Variants in FAXDC2 observed in about 807,000 individuals in gnomAD.
The protein encoded by FAXDC2 is fatty acid hydroxylase domain-containing protein 2.
Under a neutral mutation model 40.9 loss-of-function variants are expected in FAXDC2, and 41 were observed. The ratio of observed to expected loss-of-function variants is 1.00; its 90% CI spans 0.78 to 1.30. The LOEUF (loss-of-function observed/expected upper bound fraction) is 1.30. Among genes scored for constraint, FAXDC2 ranks in the 50% most tolerant of loss-of-function variants. The pLI, the probability that FAXDC2 is intolerant of heterozygous loss-of-function variation, is 0.00. For synonymous variants in FAXDC2, 157 were observed against 149.3 expected, an observed-to-expected ratio of 1.05 and a Z score of -0.38; for missense variants, 390 against 408.8, an observed-to-expected ratio of 0.95 and a Z score of 0.40.
intron 4 of FAXDC2, among the ~76,000 whole-genome samples, chr5:154,832,930 AAAC>A (rs1760229132): frequency 6.6e-6 from 1 of 152,212 alleles, no homozygotes. Context: ...TTCTAGTTGA[AAAC>A]AATCCTCAGG....
intron 4 of FAXDC2, 176 bp from the exon 5 acceptor site, chr5:154,831,098 G>C: frequency 1.7e-6 from 1 of 572,310 alleles, no homozygotes; most frequent in African/African-American, 1.9e-5. Flanking sequence ...ACTTGGACAG[G>C]CCATTTAAGG....
intron 5 of FAXDC2, chr5:154,824,569 G>A (rs1446897939): frequency 2.8e-6 from 2 of 702,584 alleles, no homozygotes; most frequent in Admixed American, 4.0e-5. Flanking sequence ...TGTTGTGAGA[G>A]GACATGTTAG....
At chr5:154,842,874 G>T (rs1415500023) in intron 1 of FAXDC2, among the ~76,000 whole-genome samples, 1 of 149,684 alleles carries the variant, frequency 6.7e-6, no homozygotes, top group African/African-American at 2.5e-5. Context: ...TTGCTATATT[G>T]CTGAGGCTGG....
intron 5 of FAXDC2, among the ~76,000 whole-genome samples, chr5:154,825,650 CA>C (rs386358555): frequency 0.029 from 883 of 30,146 alleles, 115 homozygotes; most frequent in Non-Finnish European, 0.038. Flanking sequence ...GACTCCGTCT[CA>C]AAAAAAAAAA....
At chr5:154,829,900 C>T (rs1760145992) in intron 5 of FAXDC2, among the ~76,000 whole-genome samples, 1 of 152,196 alleles carries the variant, frequency 6.6e-6, no homozygotes, top group Non-Finnish European at 1.5e-5. Context: ...AGCCCCCAAG[C>T]CTGGCTGGCA....
chr5:154,830,417 GC>G (rs142544347), intron 5 of FAXDC2: 14,262 of 179,176 alleles, frequency 0.08, 653 homozygotes, highest in Admixed American at 0.15. Context: ...TGTTTTCGCA[GC>G]TGTCTCCCTC....
intron 7 of FAXDC2, 34 bp downstream of exon 7, chr5:154,822,437 GC>G (rs1344989126): frequency 3.3e-6 from 5 of 1,503,782 alleles, no homozygotes; most frequent in Non-Finnish European, 4.6e-6. Flanking sequence ...GGGGCCATCT[GC>G]CCTTTGCTCT....
rs2113117040 is a variant in FAXDC2 at position 154,820,995 on chromosome 5, ATG to A, written c.845+263_845+264del. ...TTGCCTGCAGGAGTTTTATGCATAT[ATG>A]TACTTTTCTAAAGAGAATGTCCAGA... On this transcript the variant is annotated intron_variant, in intron 8 of 8. Transcript: ENST00000326080. 6.8e-6 allele frequency: 3 copies of A among 441,284 alleles called. No homozygotes were observed. In the East Asian group the frequency reaches 1.5e-4, roughly 22 times the overall value. The allele number at this position is 441,284 out of a possible 1,614,324, so 27.3% of individuals were successfully genotyped here.
rs1395866978 is a variant in FAXDC2, at chr5:154,819,161, T to C, written c.*1155A>G. On this transcript the variant is annotated 3_prime_UTR_variant, in exon 9 of 9. Coordinates refer to ENST00000326080, the MANE Select transcript of FAXDC2 (RefSeq NM_032385.5). ...GAAAGTTGGAAAAGGCACAAGTATA[T>C]ATAAGAATTTAGTAAAATGATAATG... 6.6e-6 allele frequency: 1 copy of C among 152,248 alleles called. No homozygotes were observed. The highest frequency in any genetic ancestry group is 1.5e-5 in the Non-Finnish European group (1 of 68,046). 9.4% of individuals were successfully genotyped at this position (152,248 alleles called of 1,614,324 possible). A position where few individuals can be genotyped will look rare whatever the true frequency, so the allele number is the denominator to read the frequency against.
At chr5:154,842,013 C>T (rs1328443739) in intron 1 of FAXDC2, among the ~76,000 whole-genome samples, 2 of 152,130 alleles carry the variant, frequency 1.3e-5, no homozygotes, top group East Asian at 1.9e-4. Context: ...GCTGGGATTA[C>T]AGGCATGAGC....
intron 1 of FAXDC2, among the ~76,000 whole-genome samples, chr5:154,846,316 G>A (rs1372495059): frequency 1.3e-5 from 2 of 150,262 alleles, no homozygotes; most frequent in African/African-American, 5.0e-5. Flanking sequence ...CAAAGGACAC[G>A]TTTTCTCTAA....
intron 2 of FAXDC2, 60 bp from the exon 3 acceptor site, chr5:154,834,994 A>T: frequency 9.5e-7 from 1 of 1,053,904 alleles, no homozygotes; most frequent in Non-Finnish European, 1.4e-6. Flanking sequence ...CACCCAGCTC[A>T]CTGCTGAGGC....
At chr5:154,838,483 C>T (rs998254710) in intron 1 of FAXDC2, 5 of 342,338 alleles carry the variant, frequency 1.5e-5, no homozygotes, top group Non-Finnish European at 2.7e-5. Flanking sequence ...ACTACGTTGC[C>T]CAGGCTGGTC....
chr5:154,832,478 GGCGTGA>G, intron 4 of FAXDC2, among the ~76,000 whole-genome samples: 1 of 152,242 alleles, frequency 6.6e-6, no homozygotes, highest in East Asian at 1.9e-4. Context: ...TGGGATTACA[GGCGTGA>G]GCCACTGCGC....
chr5:154,824,702 G>A (rs1392880801), intron 5 of FAXDC2: 1 of 594,392 alleles, frequency 1.7e-6, no homozygotes, highest in Non-Finnish European at 3.0e-6. Context: ...TGTACTGGGT[G>A]TTGAAAATAA....
At chr5:154,840,001 G>A (rs532134570) in intron 1 of FAXDC2, among the ~76,000 whole-genome samples, 1 of 152,184 alleles carries the variant, frequency 6.6e-6, no homozygotes, top group Non-Finnish European at 1.5e-5. Context: ...CAGATCATCT[G>A]GTCCCACCAT....
chr5:154,848,161 G>A (rs1196453241), intron 1 of FAXDC2, among the ~76,000 whole-genome samples: 1 of 152,074 alleles, frequency 6.6e-6, no homozygotes, highest in Non-Finnish European at 1.5e-5. Context: ...CTATTTTATA[G>A]ATATAAATAC....
In FAXDC2 at chr5:154,830,689, A is replaced by G. The variant is rs1180481284; in HGVS notation, c.366+112T>C. The G allele has an allele frequency of 4.7e-6, 6 of 1,269,012 alleles. No individual in the cohort carries two copies. In the Admixed American group the frequency reaches 1.2e-4, roughly 25 times the overall value. The allele number at this position is 1,269,012 out of a possible 1,614,324, so 78.6% of individuals were successfully genotyped here. On this transcript the variant is annotated intron_variant, in intron 5 of 8. Transcript: ENST00000326080. The stretch of plus-strand genomic sequence containing the variant: ...CTAAACTGGGGGAGCCTTGTTGCTA[A>G]TAACTTGGCTCACACTGGCCAGGTC...
chr5:154,825,192 G>A (rs913241830), intron 5 of FAXDC2, among the ~76,000 whole-genome samples: 7 of 151,350 alleles, frequency 4.6e-5, no homozygotes, highest in African/African-American at 1.2e-4. Context: ...GTGAAACCTC[G>A]TCTCTACGAA....
Sources: allele counts gnomAD v4.1 joint callset (sites outside exome capture counted in the v4.1 genomes callset), GRCh38; gene constraint gnomAD v4.1.1; transcripts MANE v1.5; gene names NCBI Gene and HGNC (gene_info 2026-07-23, HGNC 2026-07-21).